Variants in PPP4R3A observed in about 807,000 individuals in gnomAD.
PPP4R3A encodes serine/threonine-protein phosphatase 4 regulatory subunit 3A.
In PPP4R3A, 15 loss-of-function variants were observed where a neutral mutation model predicts 91.7. The observed-to-expected ratio is 0.16, with a 90% CI of 0.11 to 0.25. The LOEUF is 0.25. Among genes scored for constraint, PPP4R3A ranks in the 10% least tolerant of loss-of-function variants. PPP4R3A has a pLI of 1.00. For missense variants in PPP4R3A, 623 were observed against 998.4 expected (o/e 0.62, Z 5.07); for synonymous variants, 377 against 348.7 (o/e 1.08, Z -0.91).
intron 1 of PPP4R3A, among the ~76,000 whole-genome samples, chr14:91,505,104 T>C (rs1250316115): frequency 6.6e-6 from 1 of 152,162 alleles, no homozygotes; most frequent in Non-Finnish European, 1.5e-5. Flanking sequence ...CATACCATCT[T>C]AATAGATGAA....
At chr14:91,499,089 G>T (rs1158474415) in intron 1 of PPP4R3A, among the ~76,000 whole-genome samples, 1 of 151,510 alleles carries the variant, frequency 6.6e-6, no homozygotes, top group Non-Finnish European at 1.5e-5. Context: ...GCCCAGCTGA[G>T]ACCTCTATCT....
chr14:91,466,940 A>ACACACACACACAC (rs111240783), intron 10 of PPP4R3A, among the ~76,000 whole-genome samples: 2 of 147,578 alleles, frequency 1.4e-5, no homozygotes, highest in South Asian at 2.2e-4. Flanking sequence ...GTCCTACCAT[A>ACACACACACACAC]ACACACACAC....
chr14:91,489,871 A>T (rs1595076538), intron 2 of PPP4R3A, among the ~76,000 whole-genome samples: 2 of 152,252 alleles, frequency 1.3e-5, no homozygotes. Flanking sequence ...TTAGGAGTTG[A>T]CACCAGCATT....
intron 4 of PPP4R3A, 38 bp downstream of exon 4, chr14:91,481,538 A>G: frequency 6.7e-7 from 1 of 1,502,616 alleles, no homozygotes; most frequent in Non-Finnish European, 8.8e-7. Flanking sequence ...TTTTCGCTGC[A>G]TCTCTTGAAA....
At chr14:91,480,680 A>G (rs543319764) in intron 4 of PPP4R3A, among the ~76,000 whole-genome samples, 22 of 152,204 alleles carry the variant, frequency 1.4e-4, no homozygotes, top group African/African-American at 4.6e-4. Flanking sequence ...AATCTGTTCT[A>G]TTCTATGCAA....
At chr14:91,509,130 T>TGG (rs1163358793) in intron 1 of PPP4R3A, among the ~76,000 whole-genome samples, 1 of 152,178 alleles carries the variant, frequency 6.6e-6, no homozygotes, top group East Asian at 1.9e-4. Context: ...GCTTTACAGA[T>TGG]GGGTGAACTA....
chr14:91,507,358 GTATATATACTATAAT>G (rs141733799), intron 1 of PPP4R3A, among the ~76,000 whole-genome samples: 9,820 of 98,640 alleles, frequency 0.1, 1,203 homozygotes, highest in African/African-American at 0.14. Flanking sequence ...ATACTATATA[GTATATATACTATAAT>G]TATATATACT....
At position 91,509,664 on chromosome 14, in the gene PPP4R3A, C is replaced by T; in HGVS notation, c.-17G>A. The T allele has an allele frequency of 6.3e-7, 1 of 1,583,424 alleles. No homozygotes were observed. Among genetic ancestry groups the T allele is most frequent in the Non-Finnish European group, 8.5e-7 (1 of 1,171,600 alleles). ...GTCGGTCATCGTGCCGCCCGGGAAC[C>T]GGGGCGGGGGCCCCGCCAGTAGACG... On this transcript the variant is annotated 5_prime_UTR_variant, in exon 1 of 15. Transcript: ENST00000554943.
chr14:91,507,453 A>G (rs1891430458), intron 1 of PPP4R3A, among the ~76,000 whole-genome samples: 1 of 131,336 alleles, frequency 7.6e-6, no homozygotes, highest in East Asian at 2.2e-4. Flanking sequence ...ACTATATAGT[A>G]TATATACTAT....
chr14:91,460,171 G>A (rs1040491354), intron 14 of PPP4R3A, among the ~76,000 whole-genome samples: 2 of 151,412 alleles, frequency 1.3e-5, no homozygotes, highest in East Asian at 2.0e-4. Context: ...GCCACCACAC[G>A]CGGCTAATGT....
At position 91,510,025 on chromosome 14, in the gene PPP4R3A, GCCGCCTCCTCA is replaced by G; in HGVS notation, c.-389_-379del. 1 of 893,054 alleles carries G rather than the reference GCCGCCTCCTCA, an allele frequency of 1.1e-6. No homozygotes were observed. Among genetic ancestry groups the G allele is most frequent in the Non-Finnish European group, 1.3e-6 (1 of 742,666 alleles). 55.3% of individuals were successfully genotyped at this position (893,054 alleles called of 1,614,324 possible). A position where few individuals can be genotyped will look rare whatever the true frequency, so the allele number is the denominator to read the frequency against. ...CCGCGAAGCAGCTTCCCGCGCCGCC[GCCGCCTCCTCA>G]GGCCGCCGCCGCCGCCGCCATATTT... is the stretch of plus-strand genomic sequence containing the variant. On this transcript the variant is annotated 5_prime_UTR_variant, in exon 1 of 15. The change abolishes the stop of an existing upstream ORF in the 5' untranslated region. Transcript: ENST00000554943.
chr14:91,509,624 C>A lies in PPP4R3A; in HGVS notation c.24G>T (p.Val8=). 1 of 1,600,636 alleles carries A rather than the reference C, an allele frequency of 6.2e-7. No individual in the cohort carries two copies. The highest frequency in any genetic ancestry group is 8.5e-7 in the Non-Finnish European group (1 of 1,179,000). ...GGTCCTCGTTGAGCGTGTACACCTTCACCCGCCGCCGGGTGTCGGTCATCG... is the reference window on the plus strand; with the variant it reads ...GGTCCTCGTTGAGCGTGTACACCTTAACCCGCCGCCGGGTGTCGGTCATCG... MTDTRRR[V]KVYTLNEDRQ... is the part of the protein sequence containing the mutation. Residue 8 remains valine, a synonymous_variant, in exon 1 of 15, where the codon GTG becomes GTT. Coordinates refer to ENST00000554943, the MANE Select transcript of PPP4R3A (RefSeq NM_001366432.2).
chr14:91,509,389 G>T, intron 1 of PPP4R3A, 117 bp downstream of exon 1: 1 of 1,430,302 alleles, frequency 7.0e-7, no homozygotes, highest in Non-Finnish European at 9.4e-7. Flanking sequence ...CGAGGTGGCC[G>T]CCCTCCCCAG....
At chr14:91,508,817 T>C (rs1326728264) in intron 1 of PPP4R3A, among the ~76,000 whole-genome samples, 1 of 152,182 alleles carries the variant, frequency 6.6e-6, no homozygotes, top group East Asian at 1.9e-4. Flanking sequence ...TGAACACCCA[T>C]TTAAGCAATC....
chr14:91,506,235 T>C (rs1477212795), intron 1 of PPP4R3A, among the ~76,000 whole-genome samples: 1 of 152,198 alleles, frequency 6.6e-6, no homozygotes, highest in Non-Finnish European at 1.5e-5. Context: ...GCATGAGCCA[T>C]TGTGCCCGGC....
At chr14:91,489,931 C>T (rs1890135869) in intron 2 of PPP4R3A, among the ~76,000 whole-genome samples, 1 of 152,256 alleles carries the variant, frequency 6.6e-6, no homozygotes. Flanking sequence ...TACGCATCAC[C>T]CAATGGGAAA....
chr14:91,460,706 C>T (rs372432127), intron 14 of PPP4R3A, among the ~76,000 whole-genome samples: 11 of 142,702 alleles, frequency 7.7e-5, no homozygotes, highest in African/African-American at 2.9e-4. Context: ...CTGCAAGCTC[C>T]GCCTCCCAGG....
intron 1 of PPP4R3A, among the ~76,000 whole-genome samples, chr14:91,505,826 C>G (rs1891258425): frequency 6.6e-6 from 1 of 151,814 alleles, no homozygotes; most frequent in Admixed American, 6.6e-5. Flanking sequence ...CTCATGACAA[C>G]AAAAAGAAAA....
At position 91,495,302 on chromosome 14, in the gene PPP4R3A, ATG is replaced by A. The variant is rs60663799; in HGVS notation, c.143-4502_143-4501del. 3.3e-3 allele frequency among the ~76,000 whole-genome samples: 467 copies of A among 140,946 alleles called. 1 individual carries two copies. The highest frequency in any genetic ancestry group is 4.8e-3 in the Non-Finnish European group (315 of 66,164). 92.5% of individuals were successfully genotyped at this position (140,946 alleles called of 152,430 possible). On this transcript the variant is annotated intron_variant, in intron 1 of 14. Coordinates refer to ENST00000554943, the MANE Select transcript of PPP4R3A (RefSeq NM_001366432.2). Reference sequence around the variant, plus strand: ...AAAATACCACATGTCCAGATACATAATGTGTGTGTGTGTGTGTGTGTGTATGT... The same window carrying A: ...AAAATACCACATGTCCAGATACATAATGTGTGTGTGTGTGTGTGTGTATGT...
Sources: gnomAD v4.1 joint callset for allele counts (sites outside exome capture counted in the v4.1 genomes callset) on GRCh38, gnomAD v4.1.1 for gene constraint, MANE v1.5 for transcripts, NCBI Gene and HGNC (gene_info 2026-07-23, HGNC 2026-07-21) for gene names.